RNF13: variants seen among roughly 807,000 people sequenced by gnomAD.
RNF13 encodes E3 ubiquitin-protein ligase RNF13.
In RNF13, 19 loss-of-function variants were observed where a neutral mutation model predicts 37.7. The ratio of observed to expected loss-of-function variants is 0.50; its 90% CI spans 0.35 to 0.74. The LOEUF is 0.74. Ranked by LOEUF, RNF13 falls within the 30% of genes least tolerant of loss-of-function variation. RNF13 has a pLI of 0.01. For synonymous variants in RNF13, 144 were observed against 157.8 expected (o/e 0.91, Z 0.65); for missense variants, 375 against 453.0 (o/e 0.83, Z 1.56).
chr3:149,815,295 T>C (rs773811481), intron 1 of RNF13, among the ~76,000 whole-genome samples: 3 of 152,228 alleles, frequency 2.0e-5, no homozygotes, highest in East Asian at 1.9e-4. Flanking sequence ...TTATGCCTTA[T>C]AGTTCTTGCC....
In RNF13 at chr3:149,913,585, A is replaced by G. The variant is rs1325429573; in HGVS notation, c.606+1502A>G. On this transcript the variant is annotated intron_variant, in intron 7 of 9. Transcript: ENST00000392894. ...GATCAAATCCAGGATACCACATTGT[A>G]TTTCATTATCCTGTCTTCCCTCTGG... Among the ~76,000 whole-genome samples, 8 of 152,126 alleles carry G rather than the reference A, an allele frequency of 5.3e-5. No homozygotes were observed. In the South Asian group the frequency reaches 1.7e-3, roughly 32 times the overall value.
At chr3:149,840,009 C>T (rs1722008431) in intron 1 of RNF13, among the ~76,000 whole-genome samples, 1 of 151,984 alleles carries the variant, frequency 6.6e-6, no homozygotes, top group African/African-American at 2.4e-5. Flanking sequence ...CTTGTGGTAT[C>T]TTATTTATTT....
chr3:149,825,423 C>T (rs964759976), intron 1 of RNF13, among the ~76,000 whole-genome samples: 3 of 152,186 alleles, frequency 2.0e-5, no homozygotes, highest in Admixed American at 6.5e-5. Flanking sequence ...CTCGGCCTCC[C>T]GGAGTGTTGG....
chr3:149,847,961 A>G (rs1029833064), intron 2 of RNF13, among the ~76,000 whole-genome samples: 1 of 152,188 alleles, frequency 6.6e-6, no homozygotes, highest in Non-Finnish European at 1.5e-5. Flanking sequence ...TTAAGCAGAT[A>G]TATAACCTTG....
chr3:149,920,316 G>T (rs1365467412), intron 7 of RNF13, among the ~76,000 whole-genome samples: 1 of 152,070 alleles, frequency 6.6e-6, no homozygotes, highest in African/African-American at 2.4e-5. Context: ...AGTCACTGCA[G>T]CCTTGACATC....
At chr3:149,813,003 G>GC (rs973291462), upstream of RNF13, 16 of 152,490 alleles carry the variant, frequency 1.0e-4, no homozygotes, top group African/African-American at 3.6e-4. Context: ...GCAGACGCCT[G>GC]CCCCACCCTG....
chr3:149,923,313 C>G (rs1718326865), intron 8 of RNF13, among the ~76,000 whole-genome samples: 1 of 152,008 alleles, frequency 6.6e-6, no homozygotes, highest in South Asian at 2.1e-4. Flanking sequence ...TGAACTTGAA[C>G]TCCTGAGCTC....
Position 149,960,056 on chromosome 3 carries a change from G to T in RNF13, c.701G>T (p.Gly234Val), listed in dbSNP as rs1178711294. 1 of 1,605,732 alleles carries T rather than the reference G, an allele frequency of 6.2e-7. No individual in the cohort carries two copies. Among genetic ancestry groups the T allele is most frequent in the African/African-American group, 1.3e-5 (1 of 74,652 alleles). The change falls in exon 9 of 10, where the codon GGA (glycine) becomes GTA (valine). Residue 234 changes from glycine (G) to valine (V), a missense_variant and splice_region_variant. By Grantham distance (109) the Gly-to-Val change is moderately radical. Transcript: ENST00000392894. ...KKLPVHKFKK[G>V]DEYDVCAICL... ...TTCTCTACATATTTTCTGTTTTCAGGAGATGAGTATGATGTATGTGCCATT... is the reference window on the plus strand; with the variant it reads ...TTCTCTACATATTTTCTGTTTTCAGTAGATGAGTATGATGTATGTGCCATT...
intron 4 of RNF13, among the ~76,000 whole-genome samples, chr3:149,894,854 G>C (rs974989001): frequency 1.3e-5 from 2 of 152,124 alleles, no homozygotes; most frequent in Admixed American, 6.6e-5. Context: ...AAAGTGAGAC[G>C]TAATAACATG....
At chr3:149,839,429 G>A (rs543255113) in intron 1 of RNF13, among the ~76,000 whole-genome samples, 2 of 129,812 alleles carry the variant, frequency 1.5e-5, no homozygotes, top group African/African-American at 6.0e-5. Flanking sequence ...TCAAGACTGG[G>A]TAATTTATAA....
chr3:149,893,093 A>G (rs16862287), intron 4 of RNF13, among the ~76,000 whole-genome samples: 1,843 of 152,244 alleles, frequency 0.012, 30 homozygotes, highest in African/African-American at 0.041. Flanking sequence ...CCTTAAGGAT[A>G]ATGACTTTCT....
At chr3:149,861,100 CAAAA>C (rs201122925) in intron 3 of RNF13, among the ~76,000 whole-genome samples, 1 of 146,440 alleles carries the variant, frequency 6.8e-6, no homozygotes, top group African/African-American at 2.5e-5. Flanking sequence ...ATTAAAATGA[CAAAA>C]AAAAAGACAG....
intron 8 of RNF13, among the ~76,000 whole-genome samples, chr3:149,924,543 C>A (rs1718452631): frequency 6.6e-6 from 1 of 152,086 alleles, no homozygotes; most frequent in African/African-American, 2.4e-5. Context: ...TGATGCAAAT[C>A]TATCAGGGAG....
At chr3:149,911,585 G>A (rs1383761553) in intron 6 of RNF13, among the ~76,000 whole-genome samples, 1 of 151,954 alleles carries the variant, frequency 6.6e-6, no homozygotes, top group African/African-American at 2.4e-5. Context: ...CTTGAACCCC[G>A]GAGGTGGAGG....
intron 8 of RNF13, 107 bp downstream of exon 8, chr3:149,921,334 G>C: frequency 3.4e-6 from 1 of 295,064 alleles, no homozygotes; most frequent in Non-Finnish European, 6.2e-6. Context: ...TAAGTTCTAG[G>C]GTACATGTGC....
At chr3:149,854,914 A>G (rs900090601) in intron 3 of RNF13, among the ~76,000 whole-genome samples, 1 of 152,186 alleles carries the variant, frequency 6.6e-6, no homozygotes, top group Non-Finnish European at 1.5e-5. Context: ...AATACAATGT[A>G]GGGTTTTTGT....
intron 8 of RNF13, among the ~76,000 whole-genome samples, chr3:149,940,372 G>T (rs912596277): frequency 6.6e-6 from 1 of 151,866 alleles, no homozygotes; most frequent in Non-Finnish European, 1.5e-5. Flanking sequence ...ACTTATATAT[G>T]TTATACATTC....
chr3:149,923,389 C>G (rs1220593172), intron 8 of RNF13, among the ~76,000 whole-genome samples: 1 of 152,050 alleles, frequency 6.6e-6, no homozygotes, highest in African/African-American at 2.4e-5. Flanking sequence ...TGGGCCCAGC[C>G]TGGATTAAAG....
chr3:149,901,047 T>C (rs905579164), intron 5 of RNF13, among the ~76,000 whole-genome samples: 1 of 152,150 alleles, frequency 6.6e-6, no homozygotes, highest in African/African-American at 2.4e-5. Context: ...TGAGGGAATT[T>C]TGGTGGGTGA....
Sources: gnomAD v4.1 joint callset for allele counts (sites outside exome capture counted in the v4.1 genomes callset) on GRCh38, gnomAD v4.1.1 for gene constraint, MANE v1.5 for transcripts, NCBI Gene and HGNC (gene_info 2026-07-23, HGNC 2026-07-21) for gene names.